TMEM131L: variants seen among roughly 807,000 people sequenced by gnomAD.
TMEM131L encodes transmembrane protein 131-like.
A neutral mutation model predicts 192.2 loss-of-function variants in TMEM131L; 54 were observed. That is an observed-to-expected ratio of 0.28 (90% confidence interval 0.23 to 0.35). The LOEUF is 0.35. Among genes scored for constraint, TMEM131L ranks in the 10% least tolerant of loss-of-function variants. The pLI is 1.00. For missense variants in TMEM131L, 1,888 were observed against 1,972.9 expected (o/e 0.96, Z 0.82); for synonymous variants, 701 against 704.9 (o/e 0.99, Z 0.09).
chr4:153,629,967 C>T (rs1734102445), intron 31 of TMEM131L, among the ~76,000 whole-genome samples: 1 of 152,204 alleles, frequency 6.6e-6, no homozygotes, highest in Non-Finnish European at 1.5e-5. Context: ...GAGACATTCA[C>T]TCTATTGTGT....
intron 20 of TMEM131L, 80 bp from the exon 21 acceptor site, chr4:153,598,510 C>A: frequency 8.5e-7 from 1 of 1,179,570 alleles, no homozygotes. Flanking sequence ...TTCTTGATAA[C>A]TGGGAATATT....
chr4:153,635,911 T>C (rs1284668400), intron 34 of TMEM131L, among the ~76,000 whole-genome samples: 1 of 152,174 alleles, frequency 6.6e-6, no homozygotes, highest in African/African-American at 2.4e-5. Context: ...TGATCTTTAC[T>C]TCACCGATAC....
At chr4:153,609,077 A>C (rs1436888014) in intron 25 of TMEM131L, among the ~76,000 whole-genome samples, 1 of 152,200 alleles carries the variant, frequency 6.6e-6, no homozygotes, top group Non-Finnish European at 1.5e-5. Context: ...GGGAAGTTGC[A>C]CACTTAATAG....
At chr4:153,588,763 A>G (rs1438028440) in intron 15 of TMEM131L, 127 bp from the exon 16 acceptor site, 3 of 586,554 alleles carry the variant, frequency 5.1e-6, no homozygotes, top group Non-Finnish European at 9.1e-6. Flanking sequence ...CAGCAGAGAC[A>G]GAGGTGGCAT....
At chr4:153,512,392 G>GGA (rs1250727567) in intron 3 of TMEM131L, among the ~76,000 whole-genome samples, 1 of 152,162 alleles carries the variant, frequency 6.6e-6, no homozygotes, top group Admixed American at 6.5e-5. Flanking sequence ...GAAGTAATGA[G>GGA]GAGGACAGTA....
At chr4:153,587,846 CT>C in intron 15 of TMEM131L, 35 bp downstream of exon 15, 1 of 1,440,274 alleles carries the variant, frequency 6.9e-7, no homozygotes, top group Non-Finnish European at 9.8e-7. Flanking sequence ...CTGTAGATCT[CT>C]AGTTTGGGGG....
In TMEM131L at chr4:153,585,484, C is replaced by T. The variant is rs141365796; in HGVS notation, c.1184C>T (p.Thr395Ile). The change falls in exon 13 of 35, where the codon ACC becomes ATC. Residue 395 changes from threonine to isoleucine, a missense_variant. Thr to Ile is a moderately conservative substitution (Grantham distance 89). Transcript: ENST00000409959. ...QGYFRMDSSATQFHIETHENT... is the reference protein window; with the variant it reads ...QGYFRMDSSAIQFHIETHENT... ...TATTTTAGAATGGACTCTTCTGCAA[C>T]CCAGTTTCACATAGAGACTCATGAG... 2 of 1,614,086 alleles carry T rather than the reference C, an allele frequency of 1.2e-6. No homozygotes were observed. The highest frequency in any genetic ancestry group is 1.3e-5 in the African/African-American group (1 of 75,024).
At chr4:153,612,703 A>G (rs1293766730) in intron 26 of TMEM131L, among the ~76,000 whole-genome samples, 3 of 152,162 alleles carry the variant, frequency 2.0e-5, no homozygotes, top group Admixed American at 2.0e-4. Flanking sequence ...TCTAGTTATT[A>G]CTGAACATCT....
chr4:153,534,830 T>A (rs1409589266), intron 3 of TMEM131L, among the ~76,000 whole-genome samples: 1 of 152,186 alleles, frequency 6.6e-6, no homozygotes, highest in Non-Finnish European at 1.5e-5. Context: ...CAAAGGACTT[T>A]AAGGTAGGAG....
intron 21 of TMEM131L, among the ~76,000 whole-genome samples, chr4:153,599,417 A>AC (rs1021191323): frequency 6.6e-6 from 1 of 152,134 alleles, no homozygotes; most frequent in African/African-American, 2.4e-5. Context: ...CCATATCAGC[A>AC]CCTGTAGTCC....
At chr4:153,474,525 C>T (rs772518514) in intron 3 of TMEM131L, among the ~76,000 whole-genome samples, 2 of 152,118 alleles carry the variant, frequency 1.3e-5, no homozygotes, top group African/African-American at 4.8e-5. Flanking sequence ...GTATGTAGTC[C>T]TTTAGAAGTC....
In TMEM131L at chr4:153,592,473, A is replaced by C. The variant is rs1254125113; in HGVS notation, c.1813-2A>C. On this transcript the variant is annotated splice_acceptor_variant, in intron 17 of 34. Transcript: ENST00000409959. LOFTEE classifies it high-confidence loss of function. ...TTTTAACTTTTCTTTCCTCACACCTAGATCAAGTACTTTGTGGTGCAGAAC... is the reference window on the plus strand; with the variant it reads ...TTTTAACTTTTCTTTCCTCACACCTCGATCAAGTACTTTGTGGTGCAGAAC... 6.2e-7 allele frequency: 1 copy of C among 1,610,258 alleles called. No homozygotes were observed. Among genetic ancestry groups the C allele is most frequent in the East Asian group, 2.2e-5 (1 of 44,862 alleles).
chr4:153,466,713 C>G (rs1308184971), intron 1 of TMEM131L, among the ~76,000 whole-genome samples, 192 bp downstream of exon 1: 1 of 152,186 alleles, frequency 6.6e-6, no homozygotes, highest in Non-Finnish European at 1.5e-5. Context: ...CTCTCTGCCC[C>G]GTACAGCTGG....
intron 3 of TMEM131L, among the ~76,000 whole-genome samples, chr4:153,497,878 C>CA (rs200874155): frequency 0.076 from 5,298 of 69,498 alleles, 43 homozygotes; most frequent in Non-Finnish European, 0.11. Flanking sequence ...GAAAAATTTC[C>CA]AAAAAAAAAA....
chr4:153,552,755 G>A (rs1355500060), intron 4 of TMEM131L, among the ~76,000 whole-genome samples: 1 of 152,030 alleles, frequency 6.6e-6, no homozygotes, highest in Non-Finnish European at 1.5e-5. Context: ...GATCACTTGA[G>A]TCCAGGAGTT....
intron 4 of TMEM131L, among the ~76,000 whole-genome samples, chr4:153,553,471 A>C (rs1477996341): frequency 6.6e-6 from 1 of 151,572 alleles, no homozygotes; most frequent in African/African-American, 2.4e-5. Context: ...AAAAAAAAAA[A>C]CCTCAGAACA....
chr4:153,612,241 G>T lies in TMEM131L; in HGVS notation c.3419-11G>T. The T allele has an allele frequency of 6.6e-7, 1 of 1,515,122 alleles. No homozygotes were observed. 93.9% of individuals were successfully genotyped at this position (1,515,122 alleles called of 1,614,324 possible). ...ATTAGCTAGAAATTGAATTGTTTTT[G>T]TTTATTAAAGGGAATAACCAGCAAG... On this transcript the variant is annotated splice_polypyrimidine_tract_variant and intron_variant, in intron 25 of 34. Transcript: ENST00000409959.
At chr4:153,583,424 C>T in intron 10 of TMEM131L, 140 bp from the exon 11 acceptor site, 1 of 763,070 alleles carries the variant, frequency 1.3e-6, no homozygotes, top group East Asian at 2.5e-5. Flanking sequence ...TGTCAGCATC[C>T]CCTCCATATG....
At chr4:153,473,255 G>C (rs988900608) in intron 2 of TMEM131L, among the ~76,000 whole-genome samples, 20 of 152,330 alleles carry the variant, frequency 1.3e-4, no homozygotes, top group Admixed American at 3.3e-4. Context: ...AGGGTGATAA[G>C]GAGTGAATGA....
Sources: gnomAD v4.1 joint callset for allele counts (sites outside exome capture counted in the v4.1 genomes callset) on GRCh38, gnomAD v4.1.1 for gene constraint, MANE v1.5 for transcripts, NCBI Gene and HGNC (gene_info 2026-07-23, HGNC 2026-07-21) for gene names.